Variants in DIP2C observed in about 807,000 individuals in gnomAD.
DIP2C encodes the protein DIP2 acetate--CoA ligase C (putative).
Under a neutral mutation model 192.4 loss-of-function variants are expected in DIP2C, and 33 were observed. The observed-to-expected ratio is 0.17, with a 90% confidence interval of 0.13 to 0.23. The LOEUF (loss-of-function observed/expected upper bound fraction) is 0.23. DIP2C is among the 10% of genes least tolerant of loss of function. The probability of loss-of-function intolerance (pLI) is 1.00; values close to 1 mark genes in which losing one functional copy is unlikely to be tolerated. For missense variants in DIP2C, 1,537 were observed against 2,110.1 expected (o/e 0.73, Z 5.32); for synonymous variants, 979 against 864.1 (o/e 1.13, Z -2.33).
chr10:607,216 G>C (rs569151701), intron 1 of DIP2C, among the ~76,000 whole-genome samples: 1 of 152,212 alleles, frequency 6.6e-6, no homozygotes, highest in Non-Finnish European at 1.5e-5. Flanking sequence ...AAGCCTCGAA[G>C]ACACCAGTGA....
At chr10:406,252 G>A (rs1365831166) in intron 9 of DIP2C, among the ~76,000 whole-genome samples, 1 of 152,306 alleles carries the variant, frequency 6.6e-6, no homozygotes, top group African/African-American at 2.4e-5. Flanking sequence ...CAAAATTTAC[G>A]ATTCTAACAA....
intron 17 of DIP2C, among the ~76,000 whole-genome samples, chr10:376,557 CTTTTT>C (rs61541768): frequency 1.5e-5 from 2 of 135,288 alleles, no homozygotes; most frequent in Admixed American, 1.5e-4. Flanking sequence ...GAGGAAGTGT[CTTTTT>C]TTTTTTTTTT....
chr10:372,861 CCA>C (rs1470090489), intron 17 of DIP2C, among the ~76,000 whole-genome samples: 2 of 151,576 alleles, frequency 1.3e-5, no homozygotes, highest in Non-Finnish European at 2.9e-5. Context: ...CCCCACCTCC[CCA>C]CAGACGTGGT....
At chr10:604,511 T>C (rs954650929) in intron 1 of DIP2C, among the ~76,000 whole-genome samples, 1 of 152,348 alleles carries the variant, frequency 6.6e-6, no homozygotes, top group South Asian at 2.1e-4. Context: ...AAGTACAGTG[T>C]GCCTGTAGTT....
At chr10:417,326 C>T (rs1965708640) in intron 6 of DIP2C, among the ~76,000 whole-genome samples, 1 of 152,136 alleles carries the variant, frequency 6.6e-6, no homozygotes, top group Non-Finnish European at 1.5e-5. Flanking sequence ...GACAGCACAA[C>T]ACACCACGCA....
chr10:318,694 C>T (rs1317511126), intron 31 of DIP2C, among the ~76,000 whole-genome samples: 3 of 152,140 alleles, frequency 2.0e-5, no homozygotes, highest in Admixed American at 1.3e-4. Context: ...GCTGGGATGC[C>T]GTGTGTCAGC....
intron 1 of DIP2C, among the ~76,000 whole-genome samples, chr10:626,537 C>T (rs1200990344): frequency 6.6e-6 from 1 of 151,182 alleles, no homozygotes; most frequent in Non-Finnish European, 1.5e-5. Context: ...CACCTCCAGG[C>T]CCCTCTCCTT....
intron 1 of DIP2C, among the ~76,000 whole-genome samples, chr10:662,276 T>G (rs929951700): frequency 6.6e-6 from 1 of 152,244 alleles, no homozygotes; most frequent in South Asian, 2.1e-4. Context: ...CTATGCACTT[T>G]CCAAACGCTA....
intron 1 of DIP2C, among the ~76,000 whole-genome samples, chr10:533,025 T>G (rs1847508329): frequency 6.6e-6 from 1 of 152,142 alleles, no homozygotes. Context: ...CAGCCTGGAA[T>G]TGATATTTCT....
intron 1 of DIP2C, among the ~76,000 whole-genome samples, chr10:611,644 A>G (rs1564268300): frequency 6.6e-6 from 1 of 152,198 alleles, no homozygotes; most frequent in Non-Finnish European, 1.5e-5. Context: ...CTGAACAATT[A>G]AACATCTTAA....
intron 1 of DIP2C, among the ~76,000 whole-genome samples, chr10:637,384 C>T (rs1007699833): frequency 2.0e-5 from 3 of 152,130 alleles, no homozygotes; most frequent in Non-Finnish European, 2.9e-5. Context: ...ATAGGCTGGG[C>T]GGGGGCTGAC....
intron 1 of DIP2C, among the ~76,000 whole-genome samples, chr10:577,678 T>C (rs188079754): frequency 1.2e-4 from 18 of 152,302 alleles, no homozygotes; most frequent in Admixed American, 2.0e-4. Flanking sequence ...ATCTAACTAA[T>C]ACAAGGTTTT....
chr10:399,185 G>A lies in DIP2C; in HGVS notation c.1184C>T (p.Ala395Val), dbSNP rs777201781. ...GCAGCCGTAGAAAGCCGCCATGAAGGCAGCCGGATCATTGTTGGGGAACAC... is the reference window on the plus strand; with the variant it reads ...GCAGCCGTAGAAAGCCGCCATGAAGACAGCCGGATCATTGTTGGGGAACAC... ...ALVFPNNDPAAFMAAFYGCLL... is the reference protein window; with the variant it reads ...ALVFPNNDPAVFMAAFYGCLL... Residue 395 changes from alanine to valine, a missense_variant, in exon 10 of 37, where the codon GCC (alanine) becomes GTC (valine). By Grantham distance (64) the Ala-to-Val change is moderately conservative. Around this residue, in one of 4 missense-constraint regions of DIP2C, gnomAD observed 677 missense variants for 989.9 expected, o/e 0.68. Transcript: ENST00000280886. 5.6e-6 allele frequency: 9 copies of A among 1,614,096 alleles called. No homozygotes were observed. The Admixed American group carries it at 1.0e-4, about 18-fold the overall frequency.
chr10:344,089 T>G (rs1397173607), intron 28 of DIP2C, among the ~76,000 whole-genome samples: 2 of 152,144 alleles, frequency 1.3e-5, no homozygotes, highest in Non-Finnish European at 2.9e-5. Context: ...GCTGAGACTA[T>G]AAGCGGGCCA....
At chr10:404,969 TCC>T in intron 9 of DIP2C, among the ~76,000 whole-genome samples, 1 of 152,220 alleles carries the variant, frequency 6.6e-6, no homozygotes, top group Non-Finnish European at 1.5e-5. Flanking sequence ...TTGTAAGATT[TCC>T]ACATTACCAC....
chr10:641,979 C>T (rs1303872077), intron 1 of DIP2C, among the ~76,000 whole-genome samples: 1 of 151,982 alleles, frequency 6.6e-6, no homozygotes, highest in Non-Finnish European at 1.5e-5. Flanking sequence ...GCCAAGATTG[C>T]ACCACTGCAC....
chr10:386,702 A>G (rs1355215584), intron 14 of DIP2C, among the ~76,000 whole-genome samples: 12 of 152,222 alleles, frequency 7.9e-5, no homozygotes, highest in Admixed American at 7.8e-4. Flanking sequence ...TTCGCCAAGA[A>G]ACGGCGAATA....
intron 19 of DIP2C, among the ~76,000 whole-genome samples, chr10:365,491 C>A (rs1412827961): frequency 2.0e-5 from 3 of 152,200 alleles, no homozygotes; most frequent in Non-Finnish European, 4.4e-5. Flanking sequence ...GAGCTGTGAA[C>A]GTGCCACTGC....
At chr10:598,994 C>T (rs970778553) in intron 1 of DIP2C, among the ~76,000 whole-genome samples, 6 of 152,250 alleles carry the variant, frequency 3.9e-5, no homozygotes, top group African/African-American at 1.2e-4. Flanking sequence ...GCACGGCCCC[C>T]GGGCCCACCT....
Sources: allele counts gnomAD v4.1 joint callset (sites outside exome capture counted in the v4.1 genomes callset), GRCh38; gene constraint gnomAD v4.1.1; regional missense constraint gnomAD v4.1.1; transcripts MANE v1.5; gene names NCBI Gene and HGNC (gene_info 2026-07-23, HGNC 2026-07-21).